STXBP3: variants seen among roughly 807,000 people sequenced by gnomAD.
STXBP3 encodes syntaxin binding protein 3.
In STXBP3, 41 loss-of-function variants were observed where a neutral mutation model predicts 85.7. The ratio of observed to expected loss-of-function variants is 0.48; its 90% CI spans 0.37 to 0.62. STXBP3 has a LOEUF of 0.62. STXBP3 is among the 20% of genes least tolerant of loss of function. The pLI is 0.00. For synonymous variants in STXBP3, 229 were observed against 231.7 expected (o/e 0.99, Z 0.10); for missense variants, 563 against 703.1 (o/e 0.80, Z 2.25).
At chr1:108,785,295 G>A (rs1662801388) in intron 11 of STXBP3, among the ~76,000 whole-genome samples, 2 of 152,178 alleles carry the variant, frequency 1.3e-5, no homozygotes, top group South Asian at 4.1e-4. Flanking sequence ...TCTAAGCAGA[G>A]GTTCCCAAAC....
chr1:108,784,980 C>T lies in STXBP3; in HGVS notation c.963+2274C>T, dbSNP rs545286794. Among the ~76,000 whole-genome samples the T allele has an allele frequency of 2.0e-5, 3 of 152,340 alleles. No individual in the cohort carries two copies. In the East Asian group the frequency reaches 5.8e-4, roughly 29 times the overall value. On this transcript the variant is annotated intron_variant, in intron 11 of 18. Coordinates refer to ENST00000370008, the MANE Select transcript of STXBP3 (RefSeq NM_007269.4). ...GGTGGGTTCCCATGGCCCTAGGCAGCTCTGCCCCTGTGGCTTTGCAGGATA... is the reference window on the plus strand; with the variant it reads ...GGTGGGTTCCCATGGCCCTAGGCAGTTCTGCCCCTGTGGCTTTGCAGGATA...
intron 11 of STXBP3, among the ~76,000 whole-genome samples, chr1:108,785,463 C>T (rs1390447809): frequency 6.6e-6 from 1 of 152,180 alleles, no homozygotes; most frequent in African/African-American, 2.4e-5. Flanking sequence ...AGCGGCAAGG[C>T]TCTGAGCCTG....
chr1:108,801,167 CTGT>C (rs1481692571), intron 17 of STXBP3, among the ~76,000 whole-genome samples: 2 of 152,134 alleles, frequency 1.3e-5, no homozygotes, highest in South Asian at 2.1e-4. Context: ...TTGAGATTCC[CTGT>C]TGTTAACTTG....
In STXBP3 at chr1:108,752,297, C is replaced by A; in HGVS notation, c.90C>A (p.Gly30=). The part of the protein sequence containing the change: ...ATVFDDCKKE[G]EWKIMLLDEF... ...TGTTTGATGACTGCAAGAAAGAAGGCGAATGGAAGGTAGAGTTTGCATACC... is the reference window on the plus strand; with the variant it reads ...TGTTTGATGACTGCAAGAAAGAAGGAGAATGGAAGGTAGAGTTTGCATACC... Residue 30 remains glycine (G), a synonymous_variant, in exon 2 of 19, where the codon GGC becomes GGA. Transcript: ENST00000370008. 6.2e-7 allele frequency: 1 copy of A among 1,606,780 alleles called. No homozygotes were observed. Among genetic ancestry groups the A allele is most frequent in the Non-Finnish European group, 8.5e-7 (1 of 1,176,048 alleles).
chr1:108,757,322 C>G (rs1662043420), intron 4 of STXBP3, among the ~76,000 whole-genome samples: 2 of 151,886 alleles, frequency 1.3e-5, no homozygotes, highest in African/African-American at 2.4e-5. Context: ...TTTTGAAAAC[C>G]TGATCTCTCA....
At position 108,758,522 on chromosome 1, in the gene STXBP3, T is replaced by C; in HGVS notation, c.271T>C (p.Phe91Leu). ...AACCTTTTTTAAGTCTGTAGATTGT[T>C]TCTTACATGATTTTGCAAGTAAATC... ...ITPTSKSVDC[F>L]LHDFASKSEN... is the part of the protein sequence containing the mutation. The change falls in exon 5 of 19, where the codon TTC becomes CTC. Residue 91 changes from phenylalanine to leucine, a missense_variant. Transcript: ENST00000370008. 1 of 1,532,656 alleles carries C rather than the reference T, an allele frequency of 6.5e-7. No individual in the cohort carries two copies. The highest frequency in any genetic ancestry group is 1.9e-5 in the Admixed American group (1 of 53,672). The allele number at this position is 1,532,656 out of a possible 1,614,324, so 94.9% of individuals were successfully genotyped here. A position where few individuals can be genotyped will look rare whatever the true frequency, so the allele number is the denominator to read the frequency against.
chr1:108,781,951 T>G (rs1394286220), intron 9 of STXBP3: 1 of 152,634 alleles, frequency 6.6e-6, no homozygotes, highest in Non-Finnish European at 1.5e-5. Context: ...CCTCAAGTGA[T>G]CCGCCCACCT....
intron 18 of STXBP3, 33 bp downstream of exon 18, chr1:108,807,582 T>TA: frequency 1.3e-6 from 2 of 1,556,284 alleles, no homozygotes; most frequent in Non-Finnish European, 1.7e-6. Context: ...TTCTGTTTTT[T>TA]TTTTTTTTTT....
intron 6 of STXBP3, among the ~76,000 whole-genome samples, chr1:108,761,359 A>G (rs1662139032): frequency 6.6e-6 from 1 of 152,196 alleles, no homozygotes; most frequent in Admixed American, 6.5e-5. Context: ...TCTGAAAATG[A>G]TGTAGGATTT....
Position 108,807,427 on chromosome 1 carries a change from ATTTAG to A in STXBP3, c.1563_1567del (p.Tyr521Ter). 1.9e-6 allele frequency: 3 copies of A among 1,610,740 alleles called. No individual in the cohort carries two copies. Among genetic ancestry groups the A allele is most frequent in the Non-Finnish European group, 2.5e-6 (3 of 1,179,226 alleles). ...GCTCGCCAGAAACCCAGAGCTAATTATTTAGAAGACCGAAAAAATGGGTCAAAGCT... is the reference window on the plus strand; with the variant it reads ...GCTCGCCAGAAACCCAGAGCTAATTAAAGACCGAAAAAATGGGTCAAAGCT... On this transcript the variant is annotated stop_gained and frameshift_variant, in exon 18 of 19. Transcript: ENST00000370008. LOFTEE classifies it high-confidence loss of function.
At chr1:108,782,060 G>A in intron 9 of STXBP3, 1 of 167,836 alleles carries the variant, frequency 6.0e-6, no homozygotes. Context: ...TGGGTTATTA[G>A]CACATCAAAA....
intron 12 of STXBP3, 38 bp from the exon 13 acceptor site, chr1:108,794,789 T>G: frequency 6.3e-7 from 1 of 1,577,928 alleles, no homozygotes; most frequent in East Asian, 2.3e-5. Context: ...CAAAAGTCAT[T>G]AAAATCCTTT....
rs568777171 is a variant in STXBP3, at chr1:108,797,030, G to GA, written c.1356+308dup. On this transcript the variant is annotated intron_variant, in intron 15 of 18. Transcript: ENST00000370008. ...TAACCTTTAACTATAATATGGCAGAGAAAATAAGTATATATTTTCTTGATT... is the reference window on the plus strand; with the variant it reads ...TAACCTTTAACTATAATATGGCAGAGAAAAATAAGTATATATTTTCTTGATT... Among the ~76,000 whole-genome samples, 36 of 152,022 alleles carry GA rather than the reference G, an allele frequency of 2.4e-4. 1 individual carries two copies. The South Asian group carries it at 7.5e-3, about 32-fold the overall frequency.
At chr1:108,765,018 C>T (rs1662228202) in intron 6 of STXBP3, among the ~76,000 whole-genome samples, 1 of 152,068 alleles carries the variant, frequency 6.6e-6, no homozygotes, top group African/African-American at 2.4e-5. Flanking sequence ...TTGGGTTTTA[C>T]CTTTAAGTCT....
Position 108,807,465 on chromosome 1 carries a change from T to C in STXBP3, c.1600T>C (p.Phe534Leu). 2 of 1,613,836 alleles carry C rather than the reference T, an allele frequency of 1.2e-6. No individual in the cohort carries two copies. The highest frequency in any genetic ancestry group is 1.7e-6 in the Non-Finnish European group (2 of 1,179,958). ...DRKNGSKLIV[F>L]VIGGITYSEV... The stretch of plus-strand genomic sequence containing the variant: ...AAAAAATGGGTCAAAGCTGATTGTT[T>C]TTGTAATTGGAGGGATCACATACTC... Residue 534 changes from phenylalanine to leucine, a missense_variant, in exon 18 of 19, where the codon TTT (phenylalanine) becomes CTT (leucine). By Grantham distance (22) the Phe-to-Leu change is conservative. Coordinates refer to ENST00000370008, the MANE Select transcript of STXBP3 (RefSeq NM_007269.4).
intron 3 of STXBP3, among the ~76,000 whole-genome samples, chr1:108,755,814 A>G (rs1218374539): frequency 6.6e-6 from 1 of 152,186 alleles, no homozygotes; most frequent in Non-Finnish European, 1.5e-5. Context: ...AAAAGATTAA[A>G]TTTTTCCTTG....
intron 17 of STXBP3, among the ~76,000 whole-genome samples, chr1:108,802,337 C>T (rs926537434): frequency 1.3e-5 from 2 of 152,112 alleles, no homozygotes; most frequent in Admixed American, 6.5e-5. Flanking sequence ...GTGGAGGTTG[C>T]AGTGAGCCAA....
intron 17 of STXBP3, among the ~76,000 whole-genome samples, chr1:108,804,418 ATCC>A (rs1663288872): frequency 6.6e-6 from 1 of 151,954 alleles, no homozygotes; most frequent in Non-Finnish European, 1.5e-5. Context: ...CATACTCTCT[ATCC>A]TCCTTTATTG....
chr1:108,759,431 G>A (rs1662086718), intron 5 of STXBP3, among the ~76,000 whole-genome samples: 1 of 152,144 alleles, frequency 6.6e-6, no homozygotes, highest in Non-Finnish European at 1.5e-5. Flanking sequence ...GATACTAGGA[G>A]CCAGTGGTTG....
Sources: gnomAD v4.1 joint callset for allele counts (sites outside exome capture counted in the v4.1 genomes callset) on GRCh38, gnomAD v4.1.1 for gene constraint, MANE v1.5 for transcripts, NCBI Gene and HGNC (gene_info 2026-07-23, HGNC 2026-07-21) for gene names.